Variants in NOX4 observed in about 807,000 individuals in gnomAD.
The protein encoded by NOX4 is kidney oxidase-1.
In NOX4, 69 loss-of-function variants were observed where a neutral mutation model predicts 87.6. The ratio of observed to expected loss-of-function variants is 0.79; its 90% confidence interval spans 0.65 to 0.96. The LOEUF (loss-of-function observed/expected upper bound fraction) is 0.96. Among genes scored for constraint, NOX4 ranks in the 40% least tolerant of loss-of-function variants. The pLI is 0.00. For synonymous variants in NOX4, 275 were observed against 238.2 expected (o/e 1.15, Z -1.42); for missense variants, 680 against 681.5 (o/e 1.00, Z 0.02).
intron 12 of NOX4, among the ~76,000 whole-genome samples, chr11:89,362,683 C>T (rs1938623985): frequency 6.6e-6 from 1 of 151,886 alleles, no homozygotes; most frequent in Non-Finnish European, 1.5e-5. Context: ...TGGATGTGCA[C>T]ACTACCACAC....
chr11:89,550,105 A>G, the NOX4 span, among the ~76,000 whole-genome samples: 1 of 151,062 alleles, frequency 6.6e-6, no homozygotes, highest in Non-Finnish European at 1.5e-5. Flanking sequence ...ACTAATTTAC[A>G]CTCCCACCAA....
chr11:89,478,810 G>GT (rs1347924933), intron 2 of NOX4, among the ~76,000 whole-genome samples: 4 of 152,026 alleles, frequency 2.6e-5, no homozygotes, highest in Non-Finnish European at 5.9e-5. Flanking sequence ...TCACTCTTAT[G>GT]TTTTTTAAAA....
At chr11:89,534,585 T>C in the NOX4 span, among the ~76,000 whole-genome samples, 3 of 152,238 alleles carry the variant, frequency 2.0e-5, no homozygotes, top group Admixed American at 2.0e-4. Flanking sequence ...GGTTCTTCTG[T>C]ACAGCTCTTG....
rs1200750686 is a variant in NOX4 at position 89,474,604 on chromosome 11, T to C, written c.153+15854A>G. On this transcript the variant is annotated intron_variant, in intron 2 of 17. Transcript: ENST00000263317. ...GCCTCACATAATAGAAATGAAATAG[T>C]AATATCCATCCAGATTACTGAATAA... Among the ~76,000 whole-genome samples, 4 of 151,946 alleles carry C rather than the reference T, an allele frequency of 2.6e-5. No homozygotes were observed. In the East Asian group the frequency reaches 7.7e-4, roughly 29 times the overall value.
rs75999640 is a variant in NOX4, at chr11:89,434,324, G to A, written c.476-1468C>T. On this transcript the variant is annotated intron_variant, in intron 6 of 17. Transcript: ENST00000263317. ...ATGGGTTCTCAGCACTTGAGTACTCGCACCTCCTCACTTTCCCAGTAGACA... is the reference window on the plus strand; with the variant it reads ...ATGGGTTCTCAGCACTTGAGTACTCACACCTCCTCACTTTCCCAGTAGACA... Among the ~76,000 whole-genome samples, 1,517 of 152,084 alleles carry A rather than the reference G, an allele frequency of 1.0e-2. 30 individuals carry two copies. The highest frequency in any genetic ancestry group is 0.034 in the African/African-American group (1,419 of 41,504).
chr11:89,494,473 C>G (rs1946925942), upstream of NOX4, among the ~76,000 whole-genome samples: 2 of 152,270 alleles, frequency 1.3e-5, no homozygotes, highest in South Asian at 4.1e-4. Context: ...GTCTAATTCT[C>G]CTACTCAACT....
the NOX4 span, among the ~76,000 whole-genome samples, chr11:89,587,695 T>C: frequency 6.6e-6 from 1 of 152,158 alleles, no homozygotes; most frequent in Admixed American, 6.5e-5. Context: ...AATTTTATAA[T>C]AGTTAAAAAT....
chr11:89,449,591 C>T, intron 3 of NOX4, 67 bp from the exon 4 acceptor site: 1 of 1,248,608 alleles, frequency 8.0e-7, no homozygotes. Flanking sequence ...TTCAGTATAG[C>T]ATTGTTCATT....
the NOX4 span, among the ~76,000 whole-genome samples, chr11:89,534,832 CTT>C: frequency 6.6e-6 from 1 of 152,166 alleles, no homozygotes; most frequent in African/African-American, 2.4e-5. Context: ...TCATTTCAGT[CTT>C]TTGGTTTTAC....
chr11:89,476,030 A>T (rs1946153752), intron 2 of NOX4, among the ~76,000 whole-genome samples: 1 of 152,188 alleles, frequency 6.6e-6, no homozygotes, highest in Non-Finnish European at 1.5e-5. Context: ...TGTACAAAAC[A>T]AAACATCTCC....
At chr11:89,357,796 G>A (rs1254200244) in intron 12 of NOX4, among the ~76,000 whole-genome samples, 1 of 152,042 alleles carries the variant, frequency 6.6e-6, no homozygotes, top group East Asian at 1.9e-4. Flanking sequence ...CATCCTTTTC[G>A]CAGCAATAAG....
At chr11:89,328,844 G>T (rs1275353665) in intron 17 of NOX4, among the ~76,000 whole-genome samples, 1 of 151,952 alleles carries the variant, frequency 6.6e-6, no homozygotes, top group African/African-American at 2.4e-5. Context: ...AACACAAAAA[G>T]AGACACCAGG....
the NOX4 span, among the ~76,000 whole-genome samples, chr11:89,579,016 C>T: frequency 3.6e-4 from 55 of 152,120 alleles, no homozygotes; most frequent in Non-Finnish European, 7.2e-4. Flanking sequence ...GACACAGAAC[C>T]TTACTTTCAT....
chr11:89,388,646 A>C (rs2135125811), intron 11 of NOX4, among the ~76,000 whole-genome samples: 1 of 152,282 alleles, frequency 6.6e-6, no homozygotes, highest in South Asian at 2.1e-4. Flanking sequence ...TTTCAAGGAA[A>C]CCTAACCTAA....
At chr11:89,407,824 T>C (rs900019144) in intron 8 of NOX4, among the ~76,000 whole-genome samples, 4 of 149,638 alleles carry the variant, frequency 2.7e-5, no homozygotes, top group Non-Finnish European at 5.9e-5. Flanking sequence ...AAAAGGACAA[T>C]GCCAGAATCA....
At chr11:89,327,416 A>G (rs1945267100) in intron 17 of NOX4, among the ~76,000 whole-genome samples, 1 of 152,230 alleles carries the variant, frequency 6.6e-6, no homozygotes, top group Non-Finnish European at 1.5e-5. Flanking sequence ...ATTTATATTC[A>G]CAGTAAAACA....
chr11:89,484,493 G>A (rs752240212), intron 2 of NOX4, among the ~76,000 whole-genome samples: 1 of 152,018 alleles, frequency 6.6e-6, no homozygotes, highest in Non-Finnish European at 1.5e-5. Flanking sequence ...CATACAGTGT[G>A]GGGTTTAAAA....
At chr11:89,380,910 C>T (rs1189940763) in intron 11 of NOX4, among the ~76,000 whole-genome samples, 1 of 152,112 alleles carries the variant, frequency 6.6e-6, no homozygotes, top group African/African-American at 2.4e-5. Flanking sequence ...TAGAGCAAAA[C>T]AATTTTTAAG....
At chr11:89,535,505 G>A in the NOX4 span, among the ~76,000 whole-genome samples, 3 of 152,188 alleles carry the variant, frequency 2.0e-5, no homozygotes, top group Non-Finnish European at 4.4e-5. Flanking sequence ...TCCAAAGAAC[G>A]CCAGATGTTG....
Sources: allele counts gnomAD v4.1 joint callset (sites outside exome capture counted in the v4.1 genomes callset), GRCh38; gene constraint gnomAD v4.1.1; transcripts MANE v1.5; gene names NCBI Gene and HGNC (gene_info 2026-07-23, HGNC 2026-07-21).